GRIN2A: variants seen among roughly 807,000 people sequenced by gnomAD.
GRIN2A encodes the protein glutamate receptor ionotropic, NMDA 2A.
In GRIN2A, 22 loss-of-function variants were observed where a neutral mutation model predicts 113.4. The observed-to-expected ratio is 0.19, with a 90% CI of 0.14 to 0.28. The LOEUF is 0.28. GRIN2A is among the 10% of genes least tolerant of loss of function. The pLI, the probability that GRIN2A is intolerant of heterozygous loss-of-function variation, is 1.00. For synonymous variants in GRIN2A, 827 were observed against 738.4 expected (o/e 1.12, Z -1.94); for missense variants, 1,502 against 1,887.0 (o/e 0.80, Z 3.78).
intron 2 of GRIN2A, among the ~76,000 whole-genome samples, chr16:10,146,503 T>C (rs988225737): frequency 2.0e-5 from 3 of 152,112 alleles, no homozygotes; most frequent in Non-Finnish European, 4.4e-5. Context: ...TTCCTCACCA[T>C]CTTCATCTCC....
chr16:10,030,188 T>TA (rs34852837), intron 2 of GRIN2A, among the ~76,000 whole-genome samples: 115,394 of 151,038 alleles, frequency 0.76, 44,808 homozygotes, highest in Non-Finnish European at 0.83. Context: ...GGTGATTTTT[T>TA]AAAAAAAAAT....
chr16:10,115,218 G>C (rs1036871013), intron 2 of GRIN2A, among the ~76,000 whole-genome samples: 1 of 149,544 alleles, frequency 6.7e-6, no homozygotes, highest in African/African-American at 2.4e-5. Context: ...CCACTCTTTT[G>C]CATGATCTAA....
intron 5 of GRIN2A, among the ~76,000 whole-genome samples, chr16:9,843,479 G>A (rs1001372121): frequency 3.3e-5 from 5 of 152,156 alleles, no homozygotes; most frequent in African/African-American, 7.2e-5. Flanking sequence ...ACAGGTGTGC[G>A]ACACCATACT....
chr16:9,823,100 G>A (rs1273636383), intron 9 of GRIN2A, among the ~76,000 whole-genome samples: 6 of 152,130 alleles, frequency 3.9e-5, no homozygotes, highest in Non-Finnish European at 7.4e-5. Context: ...CGCAGCACTC[G>A]GCACTCAAGC....
At chr16:9,848,553 A>G (rs2042817175) in intron 5 of GRIN2A, among the ~76,000 whole-genome samples, 1 of 150,348 alleles carries the variant, frequency 6.7e-6, no homozygotes, top group Non-Finnish European at 1.5e-5. Context: ...GATGTTTTAT[A>G]TTTTTAATGT....
At chr16:10,081,502 C>T (rs1446518521) in intron 2 of GRIN2A, among the ~76,000 whole-genome samples, 2 of 152,184 alleles carry the variant, frequency 1.3e-5, no homozygotes, top group South Asian at 4.1e-4. Flanking sequence ...AAGATTAATG[C>T]TCTAAATTTT....
chr16:10,054,447 G>T (rs144278607), intron 2 of GRIN2A, among the ~76,000 whole-genome samples: 216 of 152,302 alleles, frequency 1.4e-3, no homozygotes, highest in African/African-American at 4.7e-3. Flanking sequence ...CTTGCTGTGG[G>T]AACATAAACA....
chr16:9,875,854 C>A (rs2043354714), intron 4 of GRIN2A, among the ~76,000 whole-genome samples: 3 of 152,180 alleles, frequency 2.0e-5, no homozygotes, highest in African/African-American at 7.2e-5. Flanking sequence ...AGTGCCCAGG[C>A]TGGAGTAGGT....
chr16:9,968,701 G>A (rs2315512), intron 2 of GRIN2A, among the ~76,000 whole-genome samples: 48,957 of 151,818 alleles, frequency 0.32, 8,415 homozygotes, highest in African/African-American at 0.39. Context: ...CCTGACTCCC[G>A]GGTTCAAGAG....
intron 3 of GRIN2A, among the ~76,000 whole-genome samples, chr16:9,899,809 G>A (rs2043881988): frequency 6.6e-6 from 1 of 152,148 alleles, no homozygotes; most frequent in Admixed American, 6.5e-5. Context: ...AAATGAATGA[G>A]CAGGCATAGG....
At chr16:9,966,594 G>C (rs375361597) in intron 2 of GRIN2A, among the ~76,000 whole-genome samples, 25 of 152,278 alleles carry the variant, frequency 1.6e-4, no homozygotes, top group African/African-American at 5.5e-4. Flanking sequence ...ACACATGCCC[G>C]TGTCCTTATA....
chr16:10,141,050 C>G (rs2049316179), intron 2 of GRIN2A, among the ~76,000 whole-genome samples: 3 of 151,918 alleles, frequency 2.0e-5, no homozygotes, highest in Admixed American at 2.0e-4. Flanking sequence ...AATAAGCAAC[C>G]AGGCATGGTG....
At chr16:10,029,602 T>C (rs1353006177) in intron 2 of GRIN2A, among the ~76,000 whole-genome samples, 1 of 152,226 alleles carries the variant, frequency 6.6e-6, no homozygotes, top group Admixed American at 6.5e-5. Context: ...AACATTTATT[T>C]TGGGGATACG....
chr16:10,116,413 A>G (rs1366520295), intron 2 of GRIN2A, among the ~76,000 whole-genome samples: 6 of 152,214 alleles, frequency 3.9e-5, no homozygotes. Flanking sequence ...ACTATGGCAA[A>G]TGTCTACCTA....
chr16:10,146,157 G>T (rs143139749), intron 2 of GRIN2A, among the ~76,000 whole-genome samples: 5,335 of 152,042 alleles, frequency 0.035, 252 homozygotes, highest in African/African-American at 0.1. Context: ...TCGCTCTGTC[G>T]CCCAGACTGG....
chr16:9,810,028 G>A (rs1339756555), intron 10 of GRIN2A, among the ~76,000 whole-genome samples: 35 of 152,088 alleles, frequency 2.3e-4, no homozygotes, highest in East Asian at 2.1e-3. Context: ...AGATCGCGCC[G>A]TTGCACTCCA....
At chr16:10,003,958 G>A (rs138427538) in intron 2 of GRIN2A, among the ~76,000 whole-genome samples, 294 of 152,268 alleles carry the variant, frequency 1.9e-3, no homozygotes, top group Middle Eastern at 3.4e-3. Flanking sequence ...TCTCTCCTGG[G>A]AAGAAATCTT....
rs190788446 is a variant in GRIN2A at position 9,854,290 on chromosome 16, C to A, written c.1123-4329G>T. ...CCTTGCTCTTACTGCAACTTCAGCC[C>A]CCGAGACTCAGAGCCATTGAGGGTG... On this transcript the variant is annotated intron_variant, in intron 4 of 12. Transcript: ENST00000330684. 3.0e-4 allele frequency among the ~76,000 whole-genome samples: 45 copies of A among 151,890 alleles called. 1 individual carries two copies. In the East Asian group the frequency reaches 7.8e-3, roughly 26 times the overall value.
chr16:9,887,602 T>C (rs2043609677), intron 4 of GRIN2A, among the ~76,000 whole-genome samples: 1 of 152,262 alleles, frequency 6.6e-6, no homozygotes, highest in Non-Finnish European at 1.5e-5. Flanking sequence ...TTATTTCTGA[T>C]GTTTTGCTAT....
Sources: allele counts gnomAD v4.1 joint callset (sites outside exome capture counted in the v4.1 genomes callset), GRCh38; gene constraint gnomAD v4.1.1; transcripts MANE v1.5; gene names NCBI Gene and HGNC (gene_info 2026-07-23, HGNC 2026-07-21).